The following GNG7 variants were observed in gnomAD, a reference collection of about 807,000 sequenced individuals.
The protein encoded by GNG7 is guanine nucleotide-binding protein G(I)/G(S)/G(O) subunit gamma-7.
In GNG7, 1 loss-of-function variant was observed where a neutral mutation model predicts 4.0. The ratio of observed to expected loss-of-function variants is 0.25; its 90% CI spans 0.09 to 1.18. The LOEUF (loss-of-function observed/expected upper bound fraction) is 1.18, where lower values mean the gene tolerates loss of function less well. Among genes scored for constraint, GNG7 ranks in the 50% most tolerant of loss-of-function variants. The pLI is 0.50. For missense variants in GNG7, 86 were observed against 91.9 expected (o/e 0.94, Z 0.26); for synonymous variants, 34 against 36.9 (o/e 0.92, Z 0.29).
At chr19:2,574,309 G>T (rs1280177687) in intron 2 of GNG7, among the ~76,000 whole-genome samples, 1 of 152,016 alleles carries the variant, frequency 6.6e-6, no homozygotes, top group Non-Finnish European at 1.5e-5. Flanking sequence ...ATGTTGTGCC[G>T]CCATCACCAC....
At chr19:2,524,474 ATG>A (rs575709439) in intron 3 of GNG7, among the ~76,000 whole-genome samples, 1 of 152,020 alleles carries the variant, frequency 6.6e-6, no homozygotes, top group Non-Finnish European at 1.5e-5. Flanking sequence ...GTGTGCATGT[ATG>A]TGTGTATGTG....
chr19:2,579,778 T>C (rs1980448696), intron 2 of GNG7, among the ~76,000 whole-genome samples: 1 of 152,128 alleles, frequency 6.6e-6, no homozygotes, highest in African/African-American at 2.4e-5. Flanking sequence ...CCAGGAACTC[T>C]GTGGATGGGT....
At chr19:2,659,801 G>A (rs956553880) in intron 1 of GNG7, among the ~76,000 whole-genome samples, 7 of 150,764 alleles carry the variant, frequency 4.6e-5, no homozygotes, top group Admixed American at 2.0e-4. Context: ...GAAGGAAGAG[G>A]AAAGGAGAGA....
At position 2,511,542 on chromosome 19, in the gene GNG7, G is replaced by A. The variant is rs1261228047; in HGVS notation, c.*3480C>T. On this transcript the variant is annotated 3_prime_UTR_variant, in exon 5 of 5. Coordinates refer to ENST00000382159, the MANE Select transcript of GNG7 (RefSeq NM_052847.3). The surrounding 1 kb of genome is among the most constrained non-coding windows in gnomAD (Gnocchi z 6.3). ...TGGACTTTTTAATAAGTGACCCCTT[G>A]AGGAAGGGCGTGGTGGCTCCACCTC... 6.6e-6 allele frequency: 1 copy of A among 152,654 alleles called. No homozygotes were observed. The highest frequency in any genetic ancestry group is 1.5e-5 in the Non-Finnish European group (1 of 68,448). 9.5% of individuals were successfully genotyped at this position (152,654 alleles called of 1,614,324 possible). A position where few individuals can be genotyped will look rare whatever the true frequency, so the allele number is the denominator to read the frequency against.
chr19:2,638,527 A>G (rs1235856580), intron 2 of GNG7, among the ~76,000 whole-genome samples: 6 of 12,990 alleles, frequency 4.6e-4, no homozygotes, highest in African/African-American at 9.7e-4. Context: ...AGGGGAAGGG[A>G]AGAGGGAGGG....
At position 2,512,829 on chromosome 19, in the gene GNG7, C is replaced by T; in HGVS notation, c.*2193G>A. 1 of 900,262 alleles carries T rather than the reference C, an allele frequency of 1.1e-6. No homozygotes were observed. 55.8% of individuals were successfully genotyped at this position (900,262 alleles called of 1,614,324 possible). ...AAGGGTGGAGGCAGGCGGGCTCTCC[C>T]TGCCTGGGGTCCTCCCAGGGTCTCT... On this transcript the variant is annotated 3_prime_UTR_variant, in exon 5 of 5. Coordinates refer to ENST00000382159, the MANE Select transcript of GNG7 (RefSeq NM_052847.3). This position sits in a 1 kb window ranked among gnomAD's most constrained non-coding sequence, Gnocchi z 4.7.
chr19:2,519,896 C>T (rs1033455421), intron 4 of GNG7, among the ~76,000 whole-genome samples: 1 of 152,266 alleles, frequency 6.6e-6, no homozygotes, highest in East Asian at 1.9e-4. Context: ...AAACTTCAAA[C>T]GGGCCAGGCA....
chr19:2,557,153 C>A lies in GNG7; in HGVS notation c.-77-1965G>T, dbSNP rs1391818395. Among the ~76,000 whole-genome samples the A allele has an allele frequency of 6.6e-6, 1 of 151,658 alleles. No individual in the cohort carries two copies. Among genetic ancestry groups the A allele is most frequent in the African/African-American group, 2.4e-5 (1 of 41,224 alleles). ...TGTACTGCACACTCACGCACATGCA[C>A]ACAAAGACACGCGCACACACGTACA... On this transcript the variant is annotated intron_variant, in intron 2 of 4. Transcript: ENST00000382159. The surrounding 1 kb of genome is among the most constrained non-coding windows in gnomAD (Gnocchi z 5.1).
chr19:2,633,432 TGTGG>T lies in GNG7; in HGVS notation c.-78+12788_-78+12791del, dbSNP rs1982214137. On this transcript the variant is annotated intron_variant, in intron 2 of 4. Coordinates refer to ENST00000382159, the MANE Select transcript of GNG7 (RefSeq NM_052847.3). The surrounding 1 kb of genome is among the most constrained non-coding windows in gnomAD (Gnocchi z 5.9). ...CAAGTTGGTGCCTCATCCCTCGTTC[TGTGG>T]GAGGCTGACTGTTCAAGCGGTTGCT... 1.3e-5 allele frequency among the ~76,000 whole-genome samples: 2 copies of T among 152,118 alleles called. 1 individual carries two copies. The highest frequency in any genetic ancestry group is 4.1e-4 in the South Asian group (2 of 4,826).
chr19:2,560,055 AG>A (rs1358481084), intron 2 of GNG7, among the ~76,000 whole-genome samples: 2 of 152,072 alleles, frequency 1.3e-5, no homozygotes, highest in African/African-American at 4.8e-5. Flanking sequence ...TCCACCTAGG[AG>A]GGGAAACGGG....
intron 3 of GNG7, among the ~76,000 whole-genome samples, chr19:2,526,265 T>C (rs1294676231): frequency 2.6e-5 from 4 of 151,722 alleles, no homozygotes; most frequent in South Asian, 2.1e-4. Flanking sequence ...CCACTGCGCC[T>C]GGCCAATTTT....
chr19:2,581,663 G>A (rs1445834963), intron 2 of GNG7, among the ~76,000 whole-genome samples: 1 of 152,192 alleles, frequency 6.6e-6, no homozygotes, highest in East Asian at 1.9e-4. Context: ...AGGACACTGT[G>A]ACATGTTCCT....
At chr19:2,674,882 C>T (rs1983556926) in intron 1 of GNG7, among the ~76,000 whole-genome samples, 1 of 152,210 alleles carries the variant, frequency 6.6e-6, no homozygotes, top group African/African-American at 2.4e-5. Flanking sequence ...AGCTTTTCTA[C>T]ATAGTCAAGT....
In GNG7 at chr19:2,633,775, G is replaced by A. The variant is rs927239201; in HGVS notation, c.-78+12449C>T. Among the ~76,000 whole-genome samples, 6 of 152,126 alleles carry A rather than the reference G, an allele frequency of 3.9e-5. No homozygotes were observed. The highest frequency in any genetic ancestry group is 1.2e-4 in the African/African-American group (5 of 41,448). On this transcript the variant is annotated intron_variant, in intron 2 of 4. Transcript: ENST00000382159. This position sits in a 1 kb window ranked among gnomAD's most constrained non-coding sequence, Gnocchi z 5.9. ...ACAGAAGCCTGCTCTCAACTCACCC[G>A]GGAGGCAGGTTCTTCTGCACCGGGC...
At chr19:2,556,257 C>T (rs1979539865) in intron 2 of GNG7, among the ~76,000 whole-genome samples, 1 of 152,254 alleles carries the variant, frequency 6.6e-6, no homozygotes, top group Non-Finnish European at 1.5e-5. Flanking sequence ...CCACTGTCAG[C>T]TCTAGGGGAG....
intron 3 of GNG7, chr19:2,538,331 G>A (rs758035478): frequency 9.9e-5 from 45 of 454,224 alleles, no homozygotes; most frequent in Middle Eastern, 4.0e-4. Context: ...CAAAGCATGC[G>A]TCAGGCCATC....
chr19:2,536,139 C>T (rs149605153), intron 3 of GNG7, among the ~76,000 whole-genome samples: 2 of 151,974 alleles, frequency 1.3e-5, no homozygotes, highest in East Asian at 3.9e-4. Context: ...AAAAGAAGGC[C>T]GGGCGCGGTG....
intron 1 of GNG7, among the ~76,000 whole-genome samples, chr19:2,651,281 C>T (rs1331409888): frequency 9.3e-6 from 1 of 107,050 alleles, no homozygotes; most frequent in African/African-American, 4.4e-5. Flanking sequence ...TCCCTCCCTC[C>T]CTCCATCCCT....
intron 2 of GNG7, among the ~76,000 whole-genome samples, chr19:2,556,468 G>A (rs1187748974): frequency 6.6e-6 from 1 of 152,228 alleles, no homozygotes; most frequent in Admixed American, 6.5e-5. Context: ...CCCCTCTTCC[G>A]TCACAAACAT....
Sources: gnomAD v4.1 joint callset for allele counts (sites outside exome capture counted in the v4.1 genomes callset) on GRCh38, gnomAD v4.1.1 for gene constraint, Gnocchi (gnomAD v3.1) non-coding constraint, MANE v1.5 for transcripts, NCBI Gene and HGNC (gene_info 2026-07-23, HGNC 2026-07-21) for gene names.